The following FNIP2 variants were observed in gnomAD, a reference collection of about 807,000 sequenced individuals.
FNIP2 encodes the protein folliculin interacting protein 2.
A neutral mutation model predicts 108.7 loss-of-function variants in FNIP2; 32 were observed. The observed-to-expected ratio is 0.29, with a 90% confidence interval of 0.22 to 0.40. The LOEUF (loss-of-function observed/expected upper bound fraction) is 0.40, where lower values mean the gene tolerates loss of function less well. Ranked by LOEUF, FNIP2 falls within the 10% of genes least tolerant of loss-of-function variation. The pLI is 1.00. For missense variants in FNIP2, 1,202 were observed against 1,381.6 expected (o/e 0.87, Z 2.06); for synonymous variants, 480 against 496.7 (o/e 0.97, Z 0.45).
At chr4:158,851,539 G>A (rs765544068) in intron 8 of FNIP2, 89 bp downstream of exon 8, 97 of 1,516,478 alleles carry the variant, frequency 6.4e-5, no homozygotes, top group Admixed American at 8.7e-5. Context: ...CCTATTGTCA[G>A]TGGAAAAAAA....
At chr4:158,872,751 T>A (rs1027235941) in intron 14 of FNIP2, 27 of 752,550 alleles carry the variant, frequency 3.6e-5, no homozygotes, top group Admixed American at 2.6e-4. Flanking sequence ...TTTTTTTTTT[T>A]AAAAAACAGG....
chr4:158,873,492 G>A (rs1781081118), intron 14 of FNIP2, among the ~76,000 whole-genome samples: 1 of 152,116 alleles, frequency 6.6e-6, no homozygotes, highest in Admixed American at 6.5e-5. Context: ...TATAGGCACA[G>A]GCCACTGTAC....
intron 14 of FNIP2, among the ~76,000 whole-genome samples, chr4:158,887,202 A>AT (rs972407179): frequency 3.9e-5 from 6 of 152,274 alleles, no homozygotes; most frequent in South Asian, 2.1e-4. Flanking sequence ...TTAGGTTCGT[A>AT]TTTTTTAGAA....
chr4:158,806,450 C>T lies in FNIP2; in HGVS notation c.108-19466C>T, dbSNP rs562199129. On this transcript the variant is annotated intron_variant, in intron 1 of 16. Coordinates refer to ENST00000264433, the MANE Select transcript of FNIP2 (RefSeq NM_020840.3). Reference sequence around the variant, plus strand: ...TTTGAAACTTTAGTTGTTTCAAAGTCTCAGATAATTTTTTATTTAATTTAC... The same window carrying T: ...TTTGAAACTTTAGTTGTTTCAAAGTTTCAGATAATTTTTTATTTAATTTAC... 3.9e-6 allele frequency: 5 copies of T among 1,267,886 alleles called. No individual in the cohort carries two copies. In the African/African-American group the frequency reaches 7.7e-5, roughly 19 times the overall value. 78.5% of individuals were successfully genotyped at this position (1,267,886 alleles called of 1,614,324 possible).
chr4:158,804,001 C>T (rs1043721063), intron 1 of FNIP2, among the ~76,000 whole-genome samples: 54 of 152,260 alleles, frequency 3.5e-4, no homozygotes, highest in Admixed American at 2.0e-3. Context: ...TGCAGTGGCA[C>T]GATCTCAGCT....
chr4:158,881,782 G>A, intron 14 of FNIP2, among the ~76,000 whole-genome samples: 1 of 152,210 alleles, frequency 6.6e-6, no homozygotes, highest in East Asian at 1.9e-4. Context: ...GAGTGCAGTG[G>A]CGTGATCTCG....
intron 15 of FNIP2, 47 bp from the exon 16 acceptor site, chr4:158,895,703 A>T (rs1447938379): frequency 8.5e-7 from 1 of 1,171,022 alleles, no homozygotes; most frequent in African/African-American, 1.5e-5. Context: ...AAATATTGGC[A>T]GAGATTTGAC....
intron 1 of FNIP2, among the ~76,000 whole-genome samples, chr4:158,788,034 G>C (rs374538563): frequency 6.6e-6 from 1 of 152,146 alleles, no homozygotes; most frequent in African/African-American, 2.4e-5. Flanking sequence ...TTCAGGTTTC[G>C]AACCCTGACA....
intron 7 of FNIP2, among the ~76,000 whole-genome samples, chr4:158,847,678 G>C (rs1036893897): frequency 6.6e-6 from 1 of 152,116 alleles, no homozygotes; most frequent in African/African-American, 2.4e-5. Flanking sequence ...TAGTGGGGTA[G>C]AGCACCAAGC....
At chr4:158,887,214 ACTTAATTT>A (rs933733071) in intron 14 of FNIP2, among the ~76,000 whole-genome samples, 1 of 152,058 alleles carries the variant, frequency 6.6e-6, no homozygotes, top group African/African-American at 2.4e-5. Flanking sequence ...TTTTTAGAAT[ACTTAATTT>A]CTTAAAAGTA....
At chr4:158,872,427 T>G in intron 14 of FNIP2, 1 of 985,402 alleles carries the variant, frequency 1.0e-6, no homozygotes, top group Non-Finnish European at 1.2e-6. Context: ...TTCCCTTCCT[T>G]TTAGAAGGAG....
intron 1 of FNIP2, among the ~76,000 whole-genome samples, chr4:158,815,383 G>GC (rs1777503059): frequency 7.2e-6 from 1 of 139,252 alleles, no homozygotes; most frequent in Admixed American, 7.3e-5. Flanking sequence ...CAGTAATCCA[G>GC]CTTTTTTTTT....
rs73858552 is a variant in FNIP2, at chr4:158,770,304, A to G, written c.107+985A>G. Reference sequence around the variant, plus strand: ...GGTATGTTGAGAAGTTTATTTAACAATTTTTCAACACATTTTAAAATTGAG... The same window carrying G: ...GGTATGTTGAGAAGTTTATTTAACAGTTTTTCAACACATTTTAAAATTGAG... On this transcript the variant is annotated intron_variant, in intron 1 of 16. Coordinates refer to ENST00000264433, the MANE Select transcript of FNIP2 (RefSeq NM_020840.3). 9.4e-3 allele frequency among the ~76,000 whole-genome samples: 1,432 copies of G among 152,314 alleles called. 27 individuals carry two copies. The highest frequency in any genetic ancestry group is 0.032 in the African/African-American group (1,318 of 41,564).
chr4:158,775,996 A>G (rs888091734), intron 1 of FNIP2, among the ~76,000 whole-genome samples: 1 of 152,212 alleles, frequency 6.6e-6, no homozygotes, highest in Non-Finnish European at 1.5e-5. Flanking sequence ...TAAGAGATTT[A>G]TATATTGGTT....
chr4:158,772,611 G>T (rs1240480655), intron 1 of FNIP2, among the ~76,000 whole-genome samples: 1 of 152,210 alleles, frequency 6.6e-6, no homozygotes, highest in Non-Finnish European at 1.5e-5. Context: ...GAATGCCAGA[G>T]AAGAGTATAC....
At chr4:158,893,759 C>T (rs549411773) in intron 15 of FNIP2, 2 of 1,439,370 alleles carry the variant, frequency 1.4e-6, no homozygotes. Context: ...TAGTTTACTT[C>T]ATAAGTATTT....
intron 14 of FNIP2, chr4:158,871,567 C>G: frequency 7.1e-6 from 7 of 985,250 alleles, no homozygotes; most frequent in Non-Finnish European, 8.4e-6. Flanking sequence ...ACATAACCTC[C>G]CTCAATGGGG....
At chr4:158,769,916 A>G (rs1775638206) in intron 1 of FNIP2, among the ~76,000 whole-genome samples, 1 of 152,262 alleles carries the variant, frequency 6.6e-6, no homozygotes, top group Non-Finnish European at 1.5e-5. Flanking sequence ...CCGAGATTTC[A>G]ATTGATCAAA....
At chr4:158,781,190 A>G (rs767355937) in intron 1 of FNIP2, among the ~76,000 whole-genome samples, 3 of 152,204 alleles carry the variant, frequency 2.0e-5, no homozygotes, top group Non-Finnish European at 4.4e-5. Context: ...TATTAAGATG[A>G]AAGGAAGGAG....
Sources: gnomAD v4.1 joint callset for allele counts (sites outside exome capture counted in the v4.1 genomes callset) on GRCh38, gnomAD v4.1.1 for gene constraint, MANE v1.5 for transcripts, NCBI Gene and HGNC (gene_info 2026-07-23, HGNC 2026-07-21) for gene names.